Variants in MTUS2 observed in about 807,000 individuals in gnomAD.
MTUS2 encodes microtubule associated scaffold protein 2.
MTUS2 carries 40 observed loss-of-function variants against 114.1 expected under a neutral mutation model. The ratio of observed to expected loss-of-function variants is 0.35; its 90% CI spans 0.27 to 0.46. MTUS2 has a LOEUF of 0.46. Ranked by LOEUF, MTUS2 falls within the 20% of genes least tolerant of loss-of-function variation. MTUS2 has a pLI of 1.00. For synonymous variants in MTUS2, 688 were observed against 672.0 expected, an observed-to-expected ratio of 1.02 and a Z score of -0.37; for missense variants, 1,679 against 1,705.4, an observed-to-expected ratio of 0.98 and a Z score of 0.27.
chr13:29,246,329 C>T (rs903512069), intron 5 of MTUS2, among the ~76,000 whole-genome samples: 6 of 152,174 alleles, frequency 3.9e-5, no homozygotes, highest in African/African-American at 1.4e-4. Flanking sequence ...CCGAGGCAGA[C>T]CTAGACCATT....
chr13:28,952,708 C>T (rs1019095992), intron 2 of MTUS2, among the ~76,000 whole-genome samples: 24 of 152,176 alleles, frequency 1.6e-4, no homozygotes, highest in African/African-American at 5.5e-4. Flanking sequence ...ACACACTTTT[C>T]TGTATCTTAG....
intron 2 of MTUS2, among the ~76,000 whole-genome samples, chr13:28,847,841 C>G (rs546156116): frequency 1.3e-5 from 2 of 152,134 alleles, no homozygotes; most frequent in African/African-American, 4.8e-5. Context: ...CACATAGATG[C>G]AGCCTCTGGG....
At position 29,340,768 on chromosome 13, in the gene MTUS2, A is replaced by G. The variant is rs554289298; in HGVS notation, c.2905+16057A>G. 3.9e-5 allele frequency among the ~76,000 whole-genome samples: 6 copies of G among 152,198 alleles called. No individual in the cohort carries two copies. In the South Asian group the frequency reaches 1.0e-3, roughly 26 times the overall value. ...CCATTACTCTAGCAGTGTACGTTGC[A>G]TGCAATGTGTAGTCTTTCATCCCTC... is the stretch of plus-strand genomic sequence containing the variant. On this transcript the variant is annotated intron_variant, in intron 7 of 15. Coordinates refer to ENST00000612955, the MANE Select transcript of MTUS2 (RefSeq NM_001033602.4).
intron 2 of MTUS2, among the ~76,000 whole-genome samples, chr13:29,017,492 A>C (rs190755010): frequency 1.3e-5 from 2 of 152,292 alleles, no homozygotes; most frequent in African/African-American, 2.4e-5. Flanking sequence ...TTCGAAACCC[A>C]TGCCTCCTTT....
chr13:29,263,148 A>G (rs927043845), intron 5 of MTUS2, among the ~76,000 whole-genome samples: 2 of 152,196 alleles, frequency 1.3e-5, no homozygotes, highest in Non-Finnish European at 2.9e-5. Flanking sequence ...TGGCACTCTT[A>G]TTACTGTTAA....
chr13:29,047,272 A>T (rs1338791231), intron 4 of MTUS2, among the ~76,000 whole-genome samples: 1 of 152,150 alleles, frequency 6.6e-6, no homozygotes, highest in South Asian at 2.1e-4. Flanking sequence ...TTATGGTGAA[A>T]GTGAGTGATG....
At chr13:28,844,083 T>C (rs1274540178) in intron 2 of MTUS2, among the ~76,000 whole-genome samples, 1 of 152,228 alleles carries the variant, frequency 6.6e-6, no homozygotes, top group African/African-American at 2.4e-5. Flanking sequence ...GTATGAGTTA[T>C]TGCTTCAATG....
intron 4 of MTUS2, among the ~76,000 whole-genome samples, chr13:29,074,951 G>A (rs893303433): frequency 2.6e-5 from 4 of 152,122 alleles, no homozygotes; most frequent in African/African-American, 9.7e-5. Flanking sequence ...CATCACTACA[G>A]TAATTTGAGA....
intron 2 of MTUS2, among the ~76,000 whole-genome samples, chr13:28,934,040 T>C (rs1380268235): frequency 6.6e-6 from 1 of 152,250 alleles, no homozygotes; most frequent in East Asian, 1.9e-4. Context: ...GCACATTTTA[T>C]ATTATCAGAT....
chr13:29,458,288 A>G (rs932109813), intron 9 of MTUS2, among the ~76,000 whole-genome samples: 11 of 152,184 alleles, frequency 7.2e-5, no homozygotes, highest in Non-Finnish European at 2.9e-5. Flanking sequence ...GCCTAAGTCT[A>G]CAGTCATGAA....
At chr13:29,381,794 C>G (rs367547136) in intron 8 of MTUS2, among the ~76,000 whole-genome samples, 4 of 152,134 alleles carry the variant, frequency 2.6e-5, no homozygotes, top group Non-Finnish European at 5.9e-5. Flanking sequence ...TCTGCACAGA[C>G]CCTTTCTCTG....
chr13:29,013,979 C>A (rs909916518), intron 2 of MTUS2, among the ~76,000 whole-genome samples: 3 of 152,250 alleles, frequency 2.0e-5, no homozygotes, highest in Non-Finnish European at 2.9e-5. Context: ...CATTTTCCCT[C>A]AGGAGATAGC....
intron 8 of MTUS2, 117 bp downstream of exon 8, chr13:29,359,590 T>C: frequency 8.4e-7 from 1 of 1,195,878 alleles, no homozygotes; most frequent in Non-Finnish European, 1.2e-6. Flanking sequence ...AGAGTGGAGT[T>C]TGGATTTTCA....
Position 29,072,340 on chromosome 13 carries a change from C to G in MTUS2, c.2447-28433C>G, listed in dbSNP as rs529669931. 8.5e-5 allele frequency among the ~76,000 whole-genome samples: 13 copies of G among 152,276 alleles called. No homozygotes were observed. In the South Asian group the frequency reaches 2.7e-3, roughly 32 times the overall value. ...TAGAGAGGATAAAAATACCTGTATTCTGTCTCATCTTGTGCTGGCAGTCTC... is the reference window on the plus strand; with the variant it reads ...TAGAGAGGATAAAAATACCTGTATTGTGTCTCATCTTGTGCTGGCAGTCTC... On this transcript the variant is annotated intron_variant, in intron 4 of 15. Transcript: ENST00000612955.
intron 4 of MTUS2, among the ~76,000 whole-genome samples, chr13:29,041,057 C>T (rs1219634311): frequency 3.9e-5 from 6 of 151,954 alleles, no homozygotes; most frequent in East Asian, 3.9e-4. Context: ...AGGGTTTTTC[C>T]GATGTTATCT....
chr13:29,232,723 G>C (rs1168624616), intron 5 of MTUS2, among the ~76,000 whole-genome samples: 1 of 152,146 alleles, frequency 6.6e-6, no homozygotes, highest in Non-Finnish European at 1.5e-5. Context: ...AGTTAGTACT[G>C]TCTGGGTTTC....
chr13:29,435,102 A>G (rs1385623078), intron 8 of MTUS2, among the ~76,000 whole-genome samples: 1 of 152,190 alleles, frequency 6.6e-6, no homozygotes, highest in East Asian at 1.9e-4. Context: ...TGCAAAGGAG[A>G]GCGGTACATG....
chr13:29,424,872 C>T (rs1403323676), intron 8 of MTUS2, among the ~76,000 whole-genome samples: 4 of 152,092 alleles, frequency 2.6e-5, no homozygotes, highest in Non-Finnish European at 5.9e-5. Context: ...TCATAGGAGA[C>T]CCAAGATACT....
intron 4 of MTUS2, among the ~76,000 whole-genome samples, chr13:29,056,354 C>T (rs1440028666): frequency 6.6e-6 from 1 of 151,888 alleles, no homozygotes; most frequent in African/African-American, 2.4e-5. Context: ...TCCCCTGTTG[C>T]TTGTTTTTGT....
Sources: gnomAD v4.1 joint callset for allele counts (sites outside exome capture counted in the v4.1 genomes callset) on GRCh38, gnomAD v4.1.1 for gene constraint, MANE v1.5 for transcripts, NCBI Gene and HGNC (gene_info 2026-07-23, HGNC 2026-07-21) for gene names.